Variants in BABAM2 observed in about 807,000 individuals in gnomAD.
The protein encoded by BABAM2 is BRISC and BRCA1-A complex member 2.
In BABAM2, 31 loss-of-function variants were observed where a neutral mutation model predicts 54.7. That is an observed-to-expected ratio of 0.57 (90% CI 0.43 to 0.77). The LOEUF is 0.77. Among genes scored for constraint, BABAM2 ranks in the 30% least tolerant of loss-of-function variants. BABAM2 has a pLI of 0.00. For missense variants in BABAM2, 364 were observed against 455.8 expected, an observed-to-expected ratio of 0.80 and a Z score of 1.83; for synonymous variants, 167 against 162.9, an observed-to-expected ratio of 1.03 and a Z score of -0.19.
intron 9 of BABAM2, among the ~76,000 whole-genome samples, chr2:28,243,925 A>G (rs1469525187): frequency 6.6e-6 from 1 of 152,130 alleles, no homozygotes; most frequent in Non-Finnish European, 1.5e-5. Context: ...AGGCATCTCT[A>G]AGGACATCAG....
chr2:27,903,729 A>T (rs949771803), intron 2 of BABAM2, among the ~76,000 whole-genome samples: 1 of 152,222 alleles, frequency 6.6e-6, no homozygotes, highest in Non-Finnish European at 1.5e-5. Context: ...AGCACGTAGC[A>T]TACGCTGTAG....
intron 6 of BABAM2, among the ~76,000 whole-genome samples, chr2:28,094,016 G>A (rs1043775975): frequency 6.6e-6 from 1 of 152,158 alleles, no homozygotes; most frequent in African/African-American, 2.4e-5. Flanking sequence ...AGGACACATT[G>A]AAATAGCCAG....
chr2:28,311,281 A>G (rs1010513301), intron 11 of BABAM2, among the ~76,000 whole-genome samples: 18 of 149,534 alleles, frequency 1.2e-4, no homozygotes, highest in African/African-American at 4.2e-4. Flanking sequence ...AAAAAAAAAG[A>G]ACAATCGAGT....
rs547659032 is a variant in BABAM2 at position 28,283,734 on chromosome 2, C to T, written c.935-14604C>T. Among the ~76,000 whole-genome samples, 5 of 152,092 alleles carry T rather than the reference C, an allele frequency of 3.3e-5. No homozygotes were observed. In the South Asian group the frequency reaches 8.3e-4, roughly 25 times the overall value. ...AGGCCACACTTAGCTTAGGGACTGG[C>T]GTGTCTGATTAGGCCTTGGTGTCAC... On this transcript the variant is annotated intron_variant, in intron 10 of 11. Transcript: ENST00000379624.
intron 9 of BABAM2, 41 bp from the exon 10 acceptor site, chr2:28,244,739 A>T: frequency 6.5e-7 from 1 of 1,547,168 alleles, no homozygotes; most frequent in Non-Finnish European, 8.9e-7. Context: ...TAATTTTATG[A>T]GGGTTTTTTT....
At chr2:28,278,943 A>G (rs1035258496) in intron 10 of BABAM2, among the ~76,000 whole-genome samples, 1 of 152,266 alleles carries the variant, frequency 6.6e-6, no homozygotes, top group African/African-American at 2.4e-5. Context: ...AGTAGGCGGA[A>G]GCCAGATGTG....
intron 10 of BABAM2, among the ~76,000 whole-genome samples, chr2:28,279,660 C>CTTTTTTTTT (rs59747836): frequency 3.0e-5 from 3 of 100,274 alleles, no homozygotes; most frequent in South Asian, 3.6e-4. Flanking sequence ...AGCTCAAAGG[C>CTTTTTTTTT]TTTTTTTTTT....
At chr2:28,087,592 C>T (rs1433405874) in intron 6 of BABAM2, among the ~76,000 whole-genome samples, 1 of 152,072 alleles carries the variant, frequency 6.6e-6, no homozygotes. Context: ...TCTTTTTAGC[C>T]TTGCCTCTCA....
At chr2:28,220,077 G>A (rs1172845109) in intron 7 of BABAM2, among the ~76,000 whole-genome samples, 3 of 152,182 alleles carry the variant, frequency 2.0e-5, no homozygotes, top group South Asian at 4.1e-4. Context: ...TACCAAACAA[G>A]TTTGTGTGGT....
chr2:28,094,229 A>G (rs1666406237), intron 6 of BABAM2, among the ~76,000 whole-genome samples: 1 of 152,170 alleles, frequency 6.6e-6, no homozygotes, highest in Non-Finnish European at 1.5e-5. Context: ...AACATCTGTA[A>G]TGAGGATGAT....
chr2:28,237,916 G>A (rs538642679), intron 8 of BABAM2, among the ~76,000 whole-genome samples: 1 of 152,114 alleles, frequency 6.6e-6, no homozygotes, highest in South Asian at 2.1e-4. Flanking sequence ...GTAGTGGCGC[G>A]ATCTCGGCTG....
intron 2 of BABAM2, among the ~76,000 whole-genome samples, chr2:27,908,996 G>A (rs772279859): frequency 1.3e-5 from 2 of 151,986 alleles, no homozygotes; most frequent in Non-Finnish European, 2.9e-5. Flanking sequence ...GTTTTGGTTT[G>A]TATTTCCCTA....
chr2:28,186,806 AC>A (rs1676341114), intron 7 of BABAM2, among the ~76,000 whole-genome samples: 1 of 120,666 alleles, frequency 8.3e-6, no homozygotes, highest in Admixed American at 8.4e-5. Flanking sequence ...AAGGAATTCA[AC>A]ATTTTTTTTT....
chr2:27,975,319 T>C (rs542374040), intron 3 of BABAM2, among the ~76,000 whole-genome samples: 7 of 151,982 alleles, frequency 4.6e-5, no homozygotes, highest in Non-Finnish European at 8.8e-5. Context: ...ACAATAAAAA[T>C]GGAGGAGTCA....
chr2:28,243,939 C>T (rs1199216278), intron 9 of BABAM2, among the ~76,000 whole-genome samples: 1 of 152,106 alleles, frequency 6.6e-6, no homozygotes, highest in Non-Finnish European at 1.5e-5. Context: ...ACATCAGAGT[C>T]CTCCTTGTAT....
intron 6 of BABAM2, among the ~76,000 whole-genome samples, chr2:28,060,478 TG>T (rs925909315): frequency 6.6e-6 from 1 of 151,994 alleles, no homozygotes; most frequent in Non-Finnish European, 1.5e-5. Flanking sequence ...TATTCAGTAC[TG>T]GGGGGGCCTG....
At chr2:28,223,412 G>A (rs556516557) in intron 7 of BABAM2, among the ~76,000 whole-genome samples, 2 of 152,314 alleles carry the variant, frequency 1.3e-5, no homozygotes, top group South Asian at 4.1e-4. Flanking sequence ...CCAGGGCCAG[G>A]CACCCGGGCT....
intron 7 of BABAM2, among the ~76,000 whole-genome samples, chr2:28,199,743 C>T (rs1051751743): frequency 6.6e-6 from 1 of 152,010 alleles, no homozygotes; most frequent in East Asian, 1.9e-4. Context: ...AGGAAGGCAG[C>T]GGTGGGCAGC....
intron 10 of BABAM2, 136 bp downstream of exon 10, chr2:28,244,998 G>A: frequency 3.1e-6 from 2 of 651,524 alleles, no homozygotes; most frequent in Non-Finnish European, 4.7e-6. Context: ...TTTATTGTGG[G>A]ATATTAAGGA....
Sources: allele counts gnomAD v4.1 joint callset (sites outside exome capture counted in the v4.1 genomes callset), GRCh38; gene constraint gnomAD v4.1.1; transcripts MANE v1.5; gene names NCBI Gene and HGNC (gene_info 2026-07-23, HGNC 2026-07-21).